GJC1: variants seen among roughly 807,000 people sequenced by gnomAD.
GJC1 encodes gap junction protein gamma 1, also known as gap junction gamma-1 protein.
GJC1 carries 5 observed loss-of-function variants against 29.3 expected under a neutral mutation model. The observed-to-expected ratio is 0.17, with a 90% CI of 0.09 to 0.36. The LOEUF (loss-of-function observed/expected upper bound fraction) is 0.36. Among genes scored for constraint, GJC1 ranks in the 10% least tolerant of loss-of-function variants. The pLI, the probability that GJC1 is intolerant of heterozygous loss-of-function variation, is 1.00. For missense variants in GJC1, 310 were observed against 496.2 expected, an observed-to-expected ratio of 0.62 and a Z score of 3.56; for synonymous variants, 177 against 183.3, an observed-to-expected ratio of 0.97 and a Z score of 0.28.
At chr17:44,812,012 A>T (rs1347482494) in intron 1 of GJC1, among the ~76,000 whole-genome samples, 1 of 151,066 alleles carries the variant, frequency 6.6e-6, no homozygotes, top group Non-Finnish European at 1.5e-5. Context: ...AAAAAACAAA[A>T]AACAAAAAAC....
intron 1 of GJC1, among the ~76,000 whole-genome samples, chr17:44,815,256 T>A (rs531902595): frequency 3.0e-4 from 45 of 152,316 alleles, no homozygotes; most frequent in African/African-American, 1.0e-3. Flanking sequence ...CTCAGCTCAC[T>A]GCAACCTCCA....
intron 1 of GJC1, among the ~76,000 whole-genome samples, chr17:44,813,772 C>A (rs556721947): frequency 6.6e-6 from 1 of 152,066 alleles, no homozygotes; most frequent in Admixed American, 6.6e-5. Flanking sequence ...AGATTACAGG[C>A]GTGAGTCACC....
chr17:44,812,409 G>A (rs879305428), intron 1 of GJC1, among the ~76,000 whole-genome samples: 8 of 152,122 alleles, frequency 5.3e-5, no homozygotes, highest in Admixed American at 3.9e-4. Context: ...GGAACGCTAC[G>A]CATGTGGGAG....
At chr17:44,809,205 G>A (rs2049946049) in intron 1 of GJC1, among the ~76,000 whole-genome samples, 1 of 152,166 alleles carries the variant, frequency 6.6e-6, no homozygotes, top group Non-Finnish European at 1.5e-5. Context: ...AGACTGCAAT[G>A]AGCTATGATC....
At chr17:44,811,205 C>A (rs1035467825) in intron 1 of GJC1, among the ~76,000 whole-genome samples, 2 of 152,112 alleles carry the variant, frequency 1.3e-5, no homozygotes, top group African/African-American at 4.8e-5. Flanking sequence ...CCTCAGCCCC[C>A]CAAGTAGCTG....
intron 1 of GJC1, among the ~76,000 whole-genome samples, chr17:44,823,170 G>T (rs184449377): frequency 2.0e-4 from 30 of 152,000 alleles, no homozygotes; most frequent in African/African-American, 7.0e-4. Flanking sequence ...GATAAGAATA[G>T]GGGTGTGTGA....
chr17:44,822,066 G>A lies in GJC1; in HGVS notation c.-97+7996C>T, dbSNP rs866567588. On this transcript the variant is annotated intron_variant, in intron 1 of 2. Transcript: ENST00000592524. The stretch of plus-strand genomic sequence containing the variant: ...CAAAAAATTAGCCGGGCATGGTGGC[G>A]GGCGCCTGTAGTCCCAGCTACTTGG... Among the ~76,000 whole-genome samples the A allele has an allele frequency of 4.8e-4, 72 of 150,762 alleles. 3 individuals carry two copies. The highest frequency in any genetic ancestry group is 1.0e-3 in the African/African-American group (42 of 41,102).
At chr17:44,822,828 A>T (rs1232002592) in intron 1 of GJC1, among the ~76,000 whole-genome samples, 1 of 152,024 alleles carries the variant, frequency 6.6e-6, no homozygotes, top group Non-Finnish European at 1.5e-5. Context: ...CAGCCAGGAT[A>T]AAAAAAGAGG....
At chr17:44,814,769 C>CCCA (rs1434850746) in intron 1 of GJC1, among the ~76,000 whole-genome samples, 2 of 152,000 alleles carry the variant, frequency 1.3e-5, no homozygotes, top group East Asian at 3.9e-4. Flanking sequence ...ATGGCGAAAC[C>CCCA]CCATCTCTAC....
In GJC1 at chr17:44,803,477, C is replaced by T. The variant is rs1259175892; in HGVS notation, c.*1150G>A. 2 of 152,208 alleles carry T rather than the reference C, an allele frequency of 1.3e-5. No individual in the cohort carries two copies. The highest frequency in any genetic ancestry group is 2.4e-5 in the African/African-American group (1 of 41,446). The allele number at this position is 152,208 out of a possible 1,614,324, so 9.4% of individuals were successfully genotyped here. A position where few individuals can be genotyped will look rare whatever the true frequency, so the allele number is the denominator to read the frequency against. On this transcript the variant is annotated 3_prime_UTR_variant, in exon 3 of 3. Transcript: ENST00000592524. Reference sequence around the variant, plus strand: ...CTATTTACAGACAGGACCCCATGACCTTTCAGGCATAAACCTCCACTGGCA... The same window carrying T: ...CTATTTACAGACAGGACCCCATGACTTTTCAGGCATAAACCTCCACTGGCA...
intron 1 of GJC1, among the ~76,000 whole-genome samples, chr17:44,808,795 C>T (rs142184974): frequency 3.3e-5 from 5 of 151,788 alleles, no homozygotes; most frequent in East Asian, 1.9e-4. Context: ...TGAAGAATCC[C>T]GGCCAAGCAC....
At chr17:44,813,657 T>G (rs1192094098) in intron 1 of GJC1, among the ~76,000 whole-genome samples, 1 of 151,828 alleles carries the variant, frequency 6.6e-6, no homozygotes, top group Non-Finnish European at 1.5e-5. Flanking sequence ...CACGCCCAAC[T>G]AATTTTTGTA....
chr17:44,807,580 T>C (rs2049926069), intron 1 of GJC1, 111 bp from the exon 2 acceptor site: 1 of 152,140 alleles, frequency 6.6e-6, no homozygotes, highest in Admixed American at 6.5e-5. Flanking sequence ...ATCATAAAAA[T>C]CAATGAGAAT....
rs1304001159 is a variant in GJC1 at position 44,801,460 on chromosome 17, T to A, written c.*3167A>T. The stretch of plus-strand genomic sequence containing the variant: ...TGTCTTATATGGCAATTCAAAACAG[T>A]ATGATTCTGATGCGAGTGAGAACTA... On this transcript the variant is annotated 3_prime_UTR_variant, in exon 3 of 3. Coordinates refer to ENST00000592524, the MANE Select transcript of GJC1 (RefSeq NM_005497.4). 6.6e-6 allele frequency: 1 copy of A among 152,180 alleles called. No homozygotes were observed. Among genetic ancestry groups the A allele is most frequent in the Non-Finnish European group, 1.5e-5 (1 of 68,036 alleles). The allele number at this position is 152,180 out of a possible 1,614,324, so 9.4% of individuals were successfully genotyped here. A position where few individuals can be genotyped will look rare whatever the true frequency, so the allele number is the denominator to read the frequency against.
At chr17:44,828,600 T>C (rs1342686752) in intron 1 of GJC1, among the ~76,000 whole-genome samples, 1 of 152,220 alleles carries the variant, frequency 6.6e-6, no homozygotes, top group Non-Finnish European at 1.5e-5. Context: ...TGGAGCTTTT[T>C]ACCTTCTACC....
chr17:44,822,414 G>T (rs1207962727), intron 1 of GJC1, among the ~76,000 whole-genome samples: 1 of 151,522 alleles, frequency 6.6e-6, no homozygotes, highest in Admixed American at 6.6e-5. Flanking sequence ...GGCCGAGGCG[G>T]GTGGATCACC....
chr17:44,807,056 C>T (rs905589384), intron 2 of GJC1, among the ~76,000 whole-genome samples: 9 of 152,116 alleles, frequency 5.9e-5, no homozygotes, highest in Non-Finnish European at 1.2e-4. Flanking sequence ...TATTGTACCC[C>T]TTTACTATAT....
At position 44,804,854 on chromosome 17, in the gene GJC1, G is replaced by C; in HGVS notation, c.964C>G (p.Gln322Glu). 1 of 1,614,200 alleles carries C rather than the reference G, an allele frequency of 6.2e-7. No homozygotes were observed. Among genetic ancestry groups the C allele is most frequent in the South Asian group, 1.1e-5 (1 of 91,086 alleles). The change falls in exon 3 of 3, where the codon CAG (glutamine) becomes GAG (glutamate). Residue 322 changes from glutamine (Q) to glutamate (E), a missense_variant. By Grantham distance (29) the Gln-to-Glu change is conservative (BLOSUM62 2). Transcript: ENST00000592524. The part of the protein sequence containing the change: ...KQNKANTAQE[Q>E]QYGSHEENLP... ...TTCTCCTCATGGCTGCCATACTGCT[G>C]TTCCTGGGCTGTGTTGGCCTTGTTT...
intron 1 of GJC1, among the ~76,000 whole-genome samples, chr17:44,826,334 C>T (rs1354058586): frequency 6.6e-6 from 1 of 151,958 alleles, no homozygotes; most frequent in African/African-American, 2.4e-5. Flanking sequence ...AGATCGAGAC[C>T]ATCCTGGTTA....
Sources: allele counts gnomAD v4.1 joint callset (sites outside exome capture counted in the v4.1 genomes callset), GRCh38; gene constraint gnomAD v4.1.1; transcripts MANE v1.5; gene names NCBI Gene and HGNC (gene_info 2026-07-23, HGNC 2026-07-21).